MAGI1: variants seen among roughly 807,000 people sequenced by gnomAD.
MAGI1 encodes membrane-associated guanylate kinase, WW and PDZ domain-containing protein 1.
MAGI1 carries 58 observed loss-of-function variants against 139.9 expected under a neutral mutation model. The ratio of observed to expected loss-of-function variants is 0.41; its 90% CI spans 0.34 to 0.52. The LOEUF (loss-of-function observed/expected upper bound fraction) is 0.52, where lower values mean the gene tolerates loss of function less well. MAGI1 is among the 20% of genes least tolerant of loss of function. The pLI, the probability that MAGI1 is intolerant of heterozygous loss-of-function variation, is 0.12. For synonymous variants in MAGI1, 812 were observed against 737.9 expected (o/e 1.10, Z -1.63); for missense variants, 1,874 against 1,901.6 (o/e 0.99, Z 0.27).
At chr3:65,638,316 T>A (rs372558339) in intron 1 of MAGI1, among the ~76,000 whole-genome samples, 43 of 152,286 alleles carry the variant, frequency 2.8e-4, no homozygotes, top group African/African-American at 9.1e-4. Context: ...TTTCATGAAA[T>A]TCTATTCTCC....
rs555520456 is a variant in MAGI1 at position 65,864,470 on chromosome 3, G to A, written c.313+173526C>T. On this transcript the variant is annotated intron_variant, in intron 1 of 22. Coordinates refer to ENST00000402939, the MANE Select transcript of MAGI1 (RefSeq NM_001033057.2). ...TTGCTCACCAACTACAAAAATGGCA[G>A]CTGTGATGGGGAAGCCTGGACTGTC... 3.9e-5 allele frequency among the ~76,000 whole-genome samples: 6 copies of A among 152,356 alleles called. No individual in the cohort carries two copies. The South Asian group carries it at 1.2e-3, about 32-fold the overall frequency.
intron 1 of MAGI1, among the ~76,000 whole-genome samples, chr3:66,030,583 T>C (rs2068536740): frequency 6.6e-6 from 1 of 152,092 alleles, no homozygotes; most frequent in Non-Finnish European, 1.5e-5. Context: ...GCAGTGGAGT[T>C]ATGGTTTTCA....
chr3:65,473,025 T>C (rs975170907), intron 4 of MAGI1, among the ~76,000 whole-genome samples: 1 of 152,160 alleles, frequency 6.6e-6, no homozygotes, highest in Non-Finnish European at 1.5e-5. Context: ...TTCACTTGCT[T>C]ATCTGGAAAA....
chr3:65,731,155 T>A (rs1408333483), intron 1 of MAGI1, among the ~76,000 whole-genome samples: 1 of 152,188 alleles, frequency 6.6e-6, no homozygotes, highest in African/African-American at 2.4e-5. Context: ...GACTGGTATA[T>A]AAGTAAAAGG....
At chr3:65,880,921 G>T (rs1231370896) in intron 1 of MAGI1, among the ~76,000 whole-genome samples, 12 of 151,954 alleles carry the variant, frequency 7.9e-5, no homozygotes, top group Non-Finnish European at 1.8e-4. Context: ...GTGTGTGTGT[G>T]TGTGTGTGTG....
At chr3:66,022,518 TA>T (rs2068019682) in intron 1 of MAGI1, among the ~76,000 whole-genome samples, 1 of 152,212 alleles carries the variant, frequency 6.6e-6, no homozygotes, top group Non-Finnish European at 1.5e-5. Context: ...TAGATTCAAA[TA>T]GGCAGAAGCC....
chr3:65,783,670 G>C (rs2039124773), intron 1 of MAGI1, among the ~76,000 whole-genome samples: 1 of 151,202 alleles, frequency 6.6e-6, no homozygotes, highest in Non-Finnish European at 1.5e-5. Flanking sequence ...AATTTTTTTT[G>C]TATTTTCAGT....
chr3:66,038,515 C>G lies in MAGI1; in HGVS notation c.-207G>C. On this transcript the variant is annotated 5_prime_UTR_variant, in exon 1 of 23. Coordinates refer to ENST00000402939, the MANE Select transcript of MAGI1 (RefSeq NM_001033057.2). ...AAACTTTCTGGGCTTCCCCGCGAGC[C>G]CCGCACAGGCGCCCGCGAGCTTTGT... The G allele has an allele frequency of 1.5e-6, 1 of 652,130 alleles. No homozygotes were observed. 40.4% of individuals were successfully genotyped at this position (652,130 alleles called of 1,614,324 possible). A position where few individuals can be genotyped will look rare whatever the true frequency, so the allele number is the denominator to read the frequency against.
intron 1 of MAGI1, among the ~76,000 whole-genome samples, chr3:65,742,466 G>C (rs1042122884): frequency 6.6e-6 from 1 of 152,156 alleles, no homozygotes; most frequent in African/African-American, 2.4e-5. Flanking sequence ...GCTCCACCAT[G>C]AATGTTCATA....
At chr3:65,812,468 T>TCTCACACACACACACACACACACACA (rs1176899313) in intron 1 of MAGI1, among the ~76,000 whole-genome samples, 4 of 89,162 alleles carry the variant, frequency 4.5e-5, no homozygotes, top group African/African-American at 1.3e-4. Flanking sequence ...TCTCTCTCTC[T>TCTCACACACACACACACACACACACA]CACACACACA....
chr3:65,377,678 G>C (rs1942660576), intron 17 of MAGI1, among the ~76,000 whole-genome samples: 2 of 152,126 alleles, frequency 1.3e-5, no homozygotes, highest in Admixed American at 1.3e-4. Flanking sequence ...AAGCAAGAAA[G>C]TCTCTGAAAT....
chr3:65,949,911 G>A (rs2063716129), intron 1 of MAGI1, among the ~76,000 whole-genome samples: 1 of 151,806 alleles, frequency 6.6e-6, no homozygotes, highest in Non-Finnish European at 1.5e-5. Flanking sequence ...TAGCCGGGCA[G>A]AGTGGCATGT....
chr3:65,660,091 A>C (rs941429779), intron 1 of MAGI1, among the ~76,000 whole-genome samples: 13 of 152,204 alleles, frequency 8.5e-5, no homozygotes, highest in Non-Finnish European at 1.5e-5. Flanking sequence ...ACAAAAAAAG[A>C]GAAGGCATAA....
At chr3:65,931,039 CT>C (rs71105954) in intron 1 of MAGI1, among the ~76,000 whole-genome samples, 93 of 147,316 alleles carry the variant, frequency 6.3e-4, no homozygotes, top group Admixed American at 6.8e-4. Context: ...TTGCTTGCTT[CT>C]TTTTTTTTTT....
At chr3:65,734,525 A>AAGAAAGAGAGAG (rs1384938684) in intron 1 of MAGI1, among the ~76,000 whole-genome samples, 2,905 of 147,798 alleles carry the variant, frequency 0.02, 106 homozygotes, top group African/African-American at 0.069. Flanking sequence ...GAAAGAGAGA[A>AAGAAAGAGAGAG]AGAGAGAGGG....
chr3:65,388,974 G>C (rs1943676018), intron 14 of MAGI1, among the ~76,000 whole-genome samples: 1 of 150,278 alleles, frequency 6.7e-6, no homozygotes, highest in African/African-American at 2.4e-5. Context: ...CTCCCGAGTA[G>C]CTGGGACTAC....
At chr3:65,463,238 T>C (rs979505954) in intron 5 of MAGI1, among the ~76,000 whole-genome samples, 6 of 152,188 alleles carry the variant, frequency 3.9e-5, no homozygotes, top group African/African-American at 1.4e-4. Context: ...GGCTGTGGGT[T>C]TGTCATAAAT....
chr3:65,815,121 T>A (rs965341558), intron 1 of MAGI1, among the ~76,000 whole-genome samples: 1 of 152,138 alleles, frequency 6.6e-6, no homozygotes, highest in Admixed American at 6.5e-5. Context: ...TCGTATCTGC[T>A]CTCTCCCTGC....
intron 1 of MAGI1, among the ~76,000 whole-genome samples, chr3:65,987,148 G>C (rs1449648176): frequency 2.6e-5 from 4 of 152,134 alleles, no homozygotes; most frequent in Admixed American, 6.5e-5. Flanking sequence ...GATTACAGGC[G>C]TGAGCTACCG....
Sources: gnomAD v4.1 joint callset for allele counts (sites outside exome capture counted in the v4.1 genomes callset) on GRCh38, gnomAD v4.1.1 for gene constraint, MANE v1.5 for transcripts, NCBI Gene and HGNC (gene_info 2026-07-23, HGNC 2026-07-21) for gene names.